The following KCTD9 variants were observed in gnomAD, a reference collection of about 807,000 sequenced individuals.
KCTD9 encodes potassium channel tetramerization domain containing 9.
Under a neutral mutation model 53.3 loss-of-function variants are expected in KCTD9, and 17 were observed. That is an observed-to-expected ratio of 0.32 (90% CI 0.22 to 0.48). KCTD9 has a LOEUF of 0.48. Ranked by LOEUF, KCTD9 falls within the 20% of genes least tolerant of loss-of-function variation. The pLI is 0.99. For synonymous variants in KCTD9, 128 were observed against 162.7 expected (o/e 0.79, Z 1.62); for missense variants, 179 against 465.5 (o/e 0.38, Z 5.66).
intron 10 of KCTD9, among the ~76,000 whole-genome samples, chr8:25,432,967 T>C (rs1801956609): frequency 6.6e-6 from 1 of 152,138 alleles, no homozygotes; most frequent in African/African-American, 2.4e-5. Flanking sequence ...TAAGAAACAA[T>C]ACATTAAATC....
chr8:25,439,481 G>A lies in KCTD9; in HGVS notation c.371-74C>T, dbSNP rs565549651. 153 of 1,561,988 alleles carry A rather than the reference G, an allele frequency of 9.8e-5. No individual in the cohort carries two copies. In the African/African-American group the frequency reaches 1.6e-3, roughly 16 times the overall value. ...GTCAGAAATGTATGAGGAAAAAATT[G>A]CTAAATATAAGTTTTTACTCTTAAA... On this transcript the variant is annotated intron_variant, in intron 5 of 11. Coordinates refer to ENST00000221200, the MANE Select transcript of KCTD9 (RefSeq NM_017634.4).
chr8:25,457,364 C>G, intron 1 of KCTD9: 23 of 985,148 alleles, frequency 2.3e-5, no homozygotes, highest in Non-Finnish European at 2.8e-5. Flanking sequence ...ATGTCTGCCT[C>G]GAACAGTGAA....
chr8:25,457,511 G>T, intron 1 of KCTD9: 1 of 256,528 alleles, frequency 3.9e-6, no homozygotes, highest in Non-Finnish European at 6.1e-6. Flanking sequence ...CAGCAAAGGC[G>T]ACTGTCAAAT....
intron 6 of KCTD9, 95 bp downstream of exon 6, chr8:25,439,184 A>G (rs1001879599): frequency 2.1e-6 from 2 of 946,356 alleles, no homozygotes; most frequent in African/African-American, 3.4e-5. Flanking sequence ...TACTTTATGG[A>G]AATATACTGT....
At chr8:25,449,449 G>A (rs1291117999) in intron 1 of KCTD9, among the ~76,000 whole-genome samples, 1 of 152,098 alleles carries the variant, frequency 6.6e-6, no homozygotes, top group African/African-American at 2.4e-5. Flanking sequence ...GAATGCACCT[G>A]CCTGTATTAT....
At chr8:25,458,149 C>T in intron 1 of KCTD9, 50 bp downstream of exon 1, 1 of 1,502,940 alleles carries the variant, frequency 6.7e-7, no homozygotes, top group Non-Finnish European at 9.1e-7. Flanking sequence ...CCGCACCGTC[C>T]GCCCTCGCCC....
At chr8:25,458,169 G>GCCCCCCCCCCCCCCCCCC in intron 1 of KCTD9, 30 bp downstream of exon 1, 1 of 1,460,182 alleles carries the variant, frequency 6.8e-7, no homozygotes, top group South Asian at 1.2e-5. Context: ...CCGACCCCCG[G>GCCCCCCCCCCCCCCCCCC]CCCGCCGCGC....
At chr8:25,437,663 G>A (rs1352105299) in intron 6 of KCTD9, among the ~76,000 whole-genome samples, 1 of 151,704 alleles carries the variant, frequency 6.6e-6, no homozygotes, top group African/African-American at 2.4e-5. Context: ...GGGTGACACA[G>A]CAAGACTCCA....
chr8:25,430,808 TACAC>T (rs139075991), intron 11 of KCTD9, among the ~76,000 whole-genome samples: 77,601 of 145,262 alleles, frequency 0.53, 21,672 homozygotes, highest in South Asian at 0.63. Context: ...ACATAATAAA[TACAC>T]ACACACACAC....
At chr8:25,437,009 C>T (rs1258356127) in intron 6 of KCTD9, among the ~76,000 whole-genome samples, 4 of 152,176 alleles carry the variant, frequency 2.6e-5, no homozygotes, top group African/African-American at 7.2e-5. Flanking sequence ...CAAACACTTA[C>T]AAGCTAATAA....
chr8:25,439,259 G>A lies in KCTD9; in HGVS notation c.499+20C>T, dbSNP rs199536181. The A allele has an allele frequency of 2.1e-5, 32 of 1,559,314 alleles. No individual in the cohort carries two copies. Among genetic ancestry groups the A allele is most frequent in the Non-Finnish European group, 2.8e-5 (32 of 1,153,058 alleles). On this transcript the variant is annotated intron_variant, in intron 6 of 11. Coordinates refer to ENST00000221200, the MANE Select transcript of KCTD9 (RefSeq NM_017634.4). ...ATGTGAGTAGTTACATAATTATATT[G>A]AAAGTCTAAATAAACTCACCCAATA...
chr8:25,449,820 GA>G lies in KCTD9; in HGVS notation c.49-3571del, dbSNP rs762163345. On this transcript the variant is annotated intron_variant, in intron 1 of 11. Transcript: ENST00000221200. ...TTAGACAGTGCCATTTTAAAGAGCA[GA>G]AAAAAAAAAATGAAGAAAAAAAAAC... Among the ~76,000 whole-genome samples, 582 of 136,792 alleles carry G rather than the reference GA, an allele frequency of 4.3e-3. 5 individuals carry two copies. The highest frequency in any genetic ancestry group is 0.027 in the East Asian group (126 of 4,752). The allele number at this position is 136,792 out of a possible 152,430, so 89.7% of individuals were successfully genotyped here.
intron 11 of KCTD9, 84 bp downstream of exon 11, chr8:25,432,420 C>T (rs1213381640): frequency 8.0e-7 from 1 of 1,254,670 alleles, no homozygotes; most frequent in South Asian, 1.3e-5. Flanking sequence ...CAGCCAACTA[C>T]TTTGTTTTGA....
chr8:25,447,700 G>C (rs1180352264), intron 1 of KCTD9, among the ~76,000 whole-genome samples: 1 of 152,228 alleles, frequency 6.6e-6, no homozygotes, highest in African/African-American at 2.4e-5. Context: ...ATTTTGGAAA[G>C]TGTTGAAGGC....
intron 2 of KCTD9, among the ~76,000 whole-genome samples, chr8:25,444,811 C>A (rs1310401281): frequency 2.0e-5 from 3 of 152,150 alleles, no homozygotes; most frequent in African/African-American, 7.2e-5. Flanking sequence ...ATCCACCATA[C>A]ACCCAAATGT....
chr8:25,433,118 G>T (rs1457107844), intron 10 of KCTD9, among the ~76,000 whole-genome samples: 1 of 152,076 alleles, frequency 6.6e-6, no homozygotes, highest in Non-Finnish European at 1.5e-5. Flanking sequence ...AATATTTGAG[G>T]TTTTATTTTT....
chr8:25,432,230 A>T (rs950051039), intron 11 of KCTD9, among the ~76,000 whole-genome samples: 1 of 152,222 alleles, frequency 6.6e-6, no homozygotes, highest in Non-Finnish European at 1.5e-5. Context: ...TAAATTTCTC[A>T]AGTAGTTTAA....
chr8:25,448,109 G>T (rs190371090), intron 1 of KCTD9, among the ~76,000 whole-genome samples: 146 of 151,866 alleles, frequency 9.6e-4, no homozygotes, highest in Admixed American at 1.6e-3. Flanking sequence ...GCCTGGACAT[G>T]ATGGGACGGA....
At chr8:25,446,641 G>A (rs1389172147) in intron 1 of KCTD9, among the ~76,000 whole-genome samples, 1 of 152,196 alleles carries the variant, frequency 6.6e-6, no homozygotes, top group East Asian at 1.9e-4. Context: ...TACTTCAGAA[G>A]GTATTATGAA....
Sources: allele counts gnomAD v4.1 joint callset (sites outside exome capture counted in the v4.1 genomes callset), GRCh38; gene constraint gnomAD v4.1.1; transcripts MANE v1.5; gene names NCBI Gene and HGNC (gene_info 2026-07-23, HGNC 2026-07-21).